The following KCNMA1 variants were observed in gnomAD, a reference collection of about 807,000 sequenced individuals.
KCNMA1 encodes the protein Calcium-activated potassium channel subunit alpha-1.
In KCNMA1, 29 loss-of-function variants were observed where a neutral mutation model predicts 140.0. That is an observed-to-expected ratio of 0.21 (90% CI 0.15 to 0.28). The LOEUF (loss-of-function observed/expected upper bound fraction) is 0.28. KCNMA1 is among the 10% of genes least tolerant of loss of function. KCNMA1 has a pLI of 1.00. For missense variants in KCNMA1, 880 were observed against 1,602.2 expected, an observed-to-expected ratio of 0.55 and a Z score of 7.70; for synonymous variants, 612 against 611.9, an observed-to-expected ratio of 1.00 and a Z score of 0.00.
chr10:76,882,346 T>G (rs1230699169), downstream of KCNMA1, among the ~76,000 whole-genome samples: 1 of 152,168 alleles, frequency 6.6e-6, no homozygotes, highest in Non-Finnish European at 1.5e-5. Flanking sequence ...AGATGCTGTT[T>G]GGAGAGAGAC....
At chr10:76,942,749 A>G (rs1005629036) in intron 23 of KCNMA1, among the ~76,000 whole-genome samples, 5 of 152,164 alleles carry the variant, frequency 3.3e-5, no homozygotes, top group Non-Finnish European at 5.9e-5. Flanking sequence ...TGGAGGAAAC[A>G]GGCATGTTGG....
downstream of KCNMA1, chr10:76,876,058 C>T (rs191798963): frequency 9.2e-5 from 14 of 152,710 alleles, no homozygotes; most frequent in African/African-American, 2.4e-4. Context: ...TATATTGGCT[C>T]TGCAGGGAGT....
At chr10:77,382,959 CGTGTGTGTGTGTGTGT>C (rs57049025) in intron 2 of KCNMA1, among the ~76,000 whole-genome samples, 2 of 76,988 alleles carry the variant, frequency 2.6e-5, no homozygotes, top group African/African-American at 9.4e-5. Context: ...CATATATATA[CGTGTGTGTGTGTGTGT>C]GTGTGTGTGT....
intron 3 of KCNMA1, 98 bp from the exon 4 acceptor site, chr10:77,185,014 T>C: frequency 2.5e-6 from 2 of 794,514 alleles, no homozygotes; most frequent in South Asian, 2.7e-5. Context: ...GGGTAGACGA[T>C]GAAATGAATA....
intron 24 of KCNMA1, chr10:76,914,186 T>C: frequency 4.4e-6 from 6 of 1,350,888 alleles, no homozygotes; most frequent in South Asian, 1.3e-5. Flanking sequence ...TGGAGGAAAG[T>C]ACAGAAAAAG....
intron 16 of KCNMA1, among the ~76,000 whole-genome samples, chr10:77,026,377 T>C (rs1046562544): frequency 6.6e-6 from 1 of 152,222 alleles, no homozygotes; most frequent in Non-Finnish European, 1.5e-5. Flanking sequence ...CACAAAGATT[T>C]GCGATTTCGC....
In KCNMA1 at chr10:77,563,260, GAGA is replaced by G. The variant is rs1352140072; in HGVS notation, c.378+74002_378+74004del. 7.2e-5 allele frequency among the ~76,000 whole-genome samples: 11 copies of G among 152,268 alleles called. No homozygotes were observed. In the East Asian group the frequency reaches 2.1e-3, roughly 29 times the overall value. ...AAGGCCAAAAATCAATAGCCGGGGT[GAGA>G]AGGAGCTGGGATTCCACTTTCTGGA... On this transcript the variant is annotated intron_variant, in intron 1 of 27. Transcript: ENST00000286628.
intron 23 of KCNMA1, among the ~76,000 whole-genome samples, chr10:76,933,933 TTTTCTTTC>T (rs777078949): frequency 2.0e-5 from 3 of 151,854 alleles, no homozygotes; most frequent in South Asian, 4.2e-4. Flanking sequence ...CAGTGCCACT[TTTTCTTTC>T]TTTCTTTCTT....
chr10:77,181,967 C>A (rs549956191), intron 5 of KCNMA1, among the ~76,000 whole-genome samples: 80 of 151,990 alleles, frequency 5.3e-4, no homozygotes, highest in African/African-American at 1.9e-3. Flanking sequence ...ATAGAGATTA[C>A]CACACATACT....
At chr10:77,390,047 A>G (rs2095757589) in intron 2 of KCNMA1, among the ~76,000 whole-genome samples, 1 of 152,224 alleles carries the variant, frequency 6.6e-6, no homozygotes, top group African/African-American at 2.4e-5. Context: ...CCAAGGGCAC[A>G]GTAGATGTGA....
intron 5 of KCNMA1, among the ~76,000 whole-genome samples, chr10:77,155,966 G>A (rs928258004): frequency 1.5e-4 from 23 of 152,092 alleles, no homozygotes; most frequent in African/African-American, 5.1e-4. Flanking sequence ...GGTGGCTCAC[G>A]CCTGTAATCC....
intron 3 of KCNMA1, among the ~76,000 whole-genome samples, chr10:77,216,663 A>T (rs2047881284): frequency 1.3e-5 from 2 of 152,254 alleles, no homozygotes; most frequent in African/African-American, 2.4e-5. Flanking sequence ...AGATCTAGGT[A>T]CCAGCTTCTG....
intron 2 of KCNMA1, among the ~76,000 whole-genome samples, chr10:77,346,312 C>T (rs950159444): frequency 6.6e-6 from 1 of 152,162 alleles, no homozygotes; most frequent in Admixed American, 6.5e-5. Context: ...TAACAACCCA[C>T]CTTGGTTCTT....
At chr10:77,610,760 C>A (rs1370734701) in intron 1 of KCNMA1, among the ~76,000 whole-genome samples, 1 of 152,186 alleles carries the variant, frequency 6.6e-6, no homozygotes, top group Non-Finnish European at 1.5e-5. Context: ...CTTAATGGTA[C>A]AGGACTTCCT....
chr10:77,284,869 T>C (rs1460593237), intron 2 of KCNMA1, among the ~76,000 whole-genome samples: 1 of 152,012 alleles, frequency 6.6e-6, no homozygotes. Flanking sequence ...CTTCTGTAAA[T>C]ATATGTAATT....
intron 5 of KCNMA1, among the ~76,000 whole-genome samples, chr10:77,181,708 C>T (rs1353344334): frequency 1.3e-5 from 2 of 152,076 alleles, no homozygotes; most frequent in East Asian, 1.9e-4. Flanking sequence ...TGTGACTCTA[C>T]TAGCCTCATC....
At chr10:77,593,265 GACAGCCC>G (rs1251572896) in intron 1 of KCNMA1, among the ~76,000 whole-genome samples, 6 of 152,214 alleles carry the variant, frequency 3.9e-5, no homozygotes, top group Non-Finnish European at 8.8e-5. Flanking sequence ...CCCTAGGAAT[GACAGCCC>G]ACAGTCCTGA....
chr10:77,342,798 A>C (rs1465759478), intron 2 of KCNMA1, among the ~76,000 whole-genome samples: 1 of 152,234 alleles, frequency 6.6e-6, no homozygotes, highest in East Asian at 1.9e-4. Flanking sequence ...ACGGGGTGGC[A>C]CATAATTGAA....
chr10:77,425,085 G>A (rs1485959209), intron 1 of KCNMA1, among the ~76,000 whole-genome samples: 1 of 151,036 alleles, frequency 6.6e-6, no homozygotes, highest in Non-Finnish European at 1.5e-5. Context: ...GGATGGATGA[G>A]TGGATGGATG....
Sources: gnomAD v4.1 joint callset for allele counts (sites outside exome capture counted in the v4.1 genomes callset) on GRCh38, gnomAD v4.1.1 for gene constraint, MANE v1.5 for transcripts, NCBI Gene and HGNC (gene_info 2026-07-23, HGNC 2026-07-21) for gene names.